Variants in PTPRD observed in about 807,000 individuals in gnomAD.
PTPRD encodes the protein receptor-type tyrosine-protein phosphatase delta.
A neutral mutation model predicts 214.5 loss-of-function variants in PTPRD; 34 were observed. The ratio of observed to expected loss-of-function variants is 0.16; its 90% CI spans 0.12 to 0.21. PTPRD has a LOEUF of 0.21. Among genes scored for constraint, PTPRD ranks in the 10% least tolerant of loss-of-function variants. The probability of loss-of-function intolerance (pLI) is 1.00; values close to 1 mark genes in which losing one functional copy is unlikely to be tolerated. For missense variants in PTPRD, 2,545 were observed against 2,398.7 expected, an observed-to-expected ratio of 1.06 and a Z score of -1.27; for synonymous variants, 1,128 against 845.7, an observed-to-expected ratio of 1.33 and a Z score of -5.79.
At chr9:10,332,906 C>A (rs947968343) in intron 3 of PTPRD, among the ~76,000 whole-genome samples, 1 of 151,840 alleles carries the variant, frequency 6.6e-6, no homozygotes, top group African/African-American at 2.4e-5. Context: ...CCAAGCTCTA[C>A]TGATCACCTT....
chr9:10,272,437 A>G (rs1471363121), intron 3 of PTPRD, among the ~76,000 whole-genome samples: 1 of 152,146 alleles, frequency 6.6e-6, no homozygotes, highest in East Asian at 1.9e-4. Flanking sequence ...GGGTGGACAT[A>G]TGTGTTCATT....
At chr9:9,221,815 G>C (rs1341685017) in intron 9 of PTPRD, among the ~76,000 whole-genome samples, 1 of 151,940 alleles carries the variant, frequency 6.6e-6, no homozygotes, top group Admixed American at 6.6e-5. Context: ...AGAAGACAAA[G>C]GAATGATACA....
At chr9:9,200,333 A>G (rs1421301070) in intron 9 of PTPRD, among the ~76,000 whole-genome samples, 1 of 152,172 alleles carries the variant, frequency 6.6e-6, no homozygotes, top group Non-Finnish European at 1.5e-5. Context: ...TTTGAATGTG[A>G]TCTGTTTTAT....
chr9:8,664,359 C>T (rs979669723), intron 12 of PTPRD, among the ~76,000 whole-genome samples: 1 of 152,152 alleles, frequency 6.6e-6, no homozygotes, highest in Admixed American at 6.5e-5. Flanking sequence ...TTAGTGAATA[C>T]GGACATTTTC....
intron 11 of PTPRD, among the ~76,000 whole-genome samples, chr9:8,786,651 G>A (rs910764136): frequency 6.6e-6 from 1 of 151,140 alleles, no homozygotes; most frequent in African/African-American, 2.4e-5. Context: ...CTAACCTCAG[G>A]TGATCCACCC....
chr9:10,368,158 A>G (rs938418803), intron 2 of PTPRD, among the ~76,000 whole-genome samples: 1 of 152,140 alleles, frequency 6.6e-6, no homozygotes, highest in Admixed American at 6.6e-5. Context: ...AGTTGTCTTT[A>G]AAATATGTAA....
chr9:10,467,922 A>G lies in PTPRD; in HGVS notation c.-599-126905T>C, dbSNP rs577910066. Among the ~76,000 whole-genome samples the G allele has an allele frequency of 2.6e-5, 4 of 152,328 alleles. No individual in the cohort carries two copies. The East Asian group carries it at 5.8e-4, about 22-fold the overall frequency. On this transcript the variant is annotated intron_variant, in intron 2 of 45. Transcript: ENST00000381196. ...AAAAATCTCATCATCATTGGTCATTAGAGAAACACAAATCAAAACCACAAT... is the reference window on the plus strand; with the variant it reads ...AAAAATCTCATCATCATTGGTCATTGGAGAAACACAAATCAAAACCACAAT...
intron 3 of PTPRD, among the ~76,000 whole-genome samples, chr9:10,159,706 T>C (rs1433956544): frequency 6.6e-6 from 1 of 151,928 alleles, no homozygotes; most frequent in South Asian, 2.1e-4. Context: ...AGAAATATAT[T>C]TGCTGAGCAA....
chr9:9,426,289 C>T (rs2080887710), intron 8 of PTPRD, among the ~76,000 whole-genome samples: 1 of 152,178 alleles, frequency 6.6e-6, no homozygotes, highest in Non-Finnish European at 1.5e-5. Flanking sequence ...GGGTCCCACG[C>T]CCATGGAGCC....
At chr9:9,595,120 G>A (rs76806053) in intron 7 of PTPRD, among the ~76,000 whole-genome samples, 4 of 151,544 alleles carry the variant, frequency 2.6e-5, no homozygotes, top group Middle Eastern at 6.8e-3. Flanking sequence ...AACAGGGAAC[G>A]CTTCTACGCT....
chr9:10,520,611 C>G (rs975789955), intron 2 of PTPRD, among the ~76,000 whole-genome samples: 1 of 152,142 alleles, frequency 6.6e-6, no homozygotes, highest in African/African-American at 2.4e-5. Flanking sequence ...CCATCTTAGA[C>G]CTTCATAGCT....
chr9:10,334,939 TA>T (rs949965808), intron 3 of PTPRD, among the ~76,000 whole-genome samples: 41 of 151,582 alleles, frequency 2.7e-4, no homozygotes, highest in African/African-American at 9.7e-4. Flanking sequence ...TGAAAGAAAT[TA>T]AAAATCTAAG....
At chr9:10,398,665 G>A (rs553477637) in intron 2 of PTPRD, among the ~76,000 whole-genome samples, 14 of 151,974 alleles carry the variant, frequency 9.2e-5, no homozygotes, top group African/African-American at 1.7e-4. Context: ...TAACTTCACC[G>A]TGTTGTTATG....
At chr9:8,320,312 C>T (rs1034003915) in intron 44 of PTPRD, among the ~76,000 whole-genome samples, 15 of 152,150 alleles carry the variant, frequency 9.9e-5, no homozygotes, top group African/African-American at 3.1e-4. Context: ...TTACAACCTG[C>T]CTACTTAATA....
chr9:9,800,687 T>C (rs2099033680), intron 5 of PTPRD: 1 of 152,332 alleles, frequency 6.6e-6, no homozygotes, highest in South Asian at 2.1e-4. Context: ...AAGTACCTGA[T>C]AAATGTATTT....
intron 12 of PTPRD, among the ~76,000 whole-genome samples, chr9:8,693,971 T>C (rs2097858384): frequency 6.6e-6 from 1 of 152,208 alleles, no homozygotes; most frequent in East Asian, 1.9e-4. Context: ...TAAAAGTAGA[T>C]AATTTTTACT....
chr9:9,801,361 T>A (rs1264395082), intron 5 of PTPRD, among the ~76,000 whole-genome samples: 2 of 151,822 alleles, frequency 1.3e-5, no homozygotes, highest in Non-Finnish European at 2.9e-5. Context: ...TAACTTTCAG[T>A]ATAAAACAGG....
rs1284743544 is a variant in PTPRD at position 10,431,661 on chromosome 9, T to C, written c.-599-90644A>G. ...GACACTTCTCAAAAGAAGACATTTA[T>C]GCAGCCAAAAAGCACATGAAAAAAT... On this transcript the variant is annotated intron_variant, in intron 2 of 45. Transcript: ENST00000381196. Among the ~76,000 whole-genome samples, 3 of 152,088 alleles carry C rather than the reference T, an allele frequency of 2.0e-5. No homozygotes were observed. The South Asian group carries it at 6.2e-4, about 31-fold the overall frequency.
intron 2 of PTPRD, among the ~76,000 whole-genome samples, chr9:10,438,674 ACCT>A (rs1448635723): frequency 6.6e-6 from 1 of 151,652 alleles, no homozygotes; most frequent in Non-Finnish European, 1.5e-5. Flanking sequence ...CTCTTTCAAG[ACCT>A]CTGTATTTAC....
Sources: gnomAD v4.1 joint callset for allele counts (sites outside exome capture counted in the v4.1 genomes callset) on GRCh38, gnomAD v4.1.1 for gene constraint, MANE v1.5 for transcripts, NCBI Gene and HGNC (gene_info 2026-07-23, HGNC 2026-07-21) for gene names.